PCTP: variants seen among roughly 807,000 people sequenced by gnomAD.
PCTP encodes the protein START domain-containing protein 2.
PCTP carries 27 observed loss-of-function variants against 31.0 expected under a neutral mutation model. That is an observed-to-expected ratio of 0.87 (90% CI 0.64 to 1.20). The LOEUF (loss-of-function observed/expected upper bound fraction) is 1.20, where lower values mean the gene tolerates loss of function less well. Among genes scored for constraint, PCTP ranks in the 50% most tolerant of loss-of-function variants. The probability of loss-of-function intolerance (pLI) is 0.00; values close to 1 mark genes in which losing one functional copy is unlikely to be tolerated. For missense variants in PCTP, 287 were observed against 268.2 expected (o/e 1.07, Z -0.49); for synonymous variants, 108 against 101.2 (o/e 1.07, Z -0.40).
At position 55,777,221 on chromosome 17, in the gene PCTP, CTG is replaced by C; in HGVS notation, c.*1125_*1126del. ...TGATCTCAGGGAAAAATTTTAATCA[CTG>C]TGTATAATGATACTGAACCTTGATT... is the stretch of plus-strand genomic sequence containing the variant. On this transcript the variant is annotated 3_prime_UTR_variant, in exon 6 of 6. Coordinates refer to ENST00000268896, the MANE Select transcript of PCTP (RefSeq NM_021213.4). The C allele has an allele frequency of 1.0e-6, 1 of 985,214 alleles. No homozygotes were observed. Among genetic ancestry groups the C allele is most frequent in the Non-Finnish European group, 1.2e-6 (1 of 829,458 alleles). 61.0% of individuals were successfully genotyped at this position (985,214 alleles called of 1,614,324 possible).
chr17:55,801,365 T>A (rs774557122), intron 3 of PCTP, among the ~76,000 whole-genome samples: 5 of 152,128 alleles, frequency 3.3e-5, no homozygotes, highest in Non-Finnish European at 7.4e-5. Flanking sequence ...CAAGTGGACC[T>A]AATAGACATC....
chr17:55,814,973 A>T (rs1314884568), intron 3 of PCTP, among the ~76,000 whole-genome samples: 1 of 152,184 alleles, frequency 6.6e-6, no homozygotes, highest in African/African-American at 2.4e-5. Context: ...TCAGAAACCA[A>T]GAACAGTGAA....
At chr17:55,775,170 C>A in intron 5 of PCTP, 2 of 1,196,282 alleles carry the variant, frequency 1.7e-6, no homozygotes, top group Non-Finnish European at 2.2e-6. Flanking sequence ...AACAATAGTG[C>A]CTTTGGAGCC....
chr17:55,767,214 C>T, intron 1 of PCTP, 121 bp from the exon 2 acceptor site: 1 of 484,306 alleles, frequency 2.1e-6, no homozygotes, highest in South Asian at 3.4e-5. Flanking sequence ...TTGTAGGTTG[C>T]CTGTTCACTC....
intron 2 of PCTP, chr17:55,770,495 TTTTTGATGTCTGA>T (rs1910923144): frequency 6.6e-6 from 1 of 152,166 alleles, no homozygotes; most frequent in Non-Finnish European, 1.5e-5. Context: ...TCTGACTATT[TTTTTGATGTCTGA>T]TTTTGTTTCA....
chr17:55,793,779 T>C (rs1463952997), intron 3 of PCTP, among the ~76,000 whole-genome samples: 1 of 152,114 alleles, frequency 6.6e-6, no homozygotes, highest in Non-Finnish European at 1.5e-5. Context: ...AACCAATATA[T>C]TGATGCCTCT....
intron 1 of PCTP, among the ~76,000 whole-genome samples, chr17:55,756,387 G>A (rs1910017712): frequency 6.6e-6 from 1 of 152,242 alleles, no homozygotes; most frequent in South Asian, 2.1e-4. Flanking sequence ...GTGATGTGAT[G>A]TGTTTCAGAT....
intron 2 of PCTP, among the ~76,000 whole-genome samples, chr17:55,783,240 A>G (rs908940051): frequency 5.9e-5 from 9 of 152,042 alleles, no homozygotes; most frequent in South Asian, 2.1e-4. Flanking sequence ...ACCGTTGGAG[A>G]GCTCATACTA....
intron 3 of PCTP, among the ~76,000 whole-genome samples, chr17:55,818,210 G>A (rs966244622): frequency 1.3e-5 from 2 of 152,196 alleles, no homozygotes; most frequent in South Asian, 2.1e-4. Flanking sequence ...AACGGAGATC[G>A]CATGATGTGA....
chr17:55,803,754 A>T (rs1166611089), intron 3 of PCTP, among the ~76,000 whole-genome samples: 1 of 152,134 alleles, frequency 6.6e-6, no homozygotes, highest in Non-Finnish European at 1.5e-5. Flanking sequence ...AACCATAAAA[A>T]CCCTGGAAGA....
intron 3 of PCTP, among the ~76,000 whole-genome samples, chr17:55,796,100 G>A (rs1222053524): frequency 1.3e-5 from 2 of 152,046 alleles, no homozygotes; most frequent in Non-Finnish European, 2.9e-5. Context: ...ACGAATTAAG[G>A]CAGCATGAAA....
intron 3 of PCTP, among the ~76,000 whole-genome samples, chr17:55,795,165 T>A (rs1387821300): frequency 1.3e-5 from 2 of 152,082 alleles, no homozygotes; most frequent in African/African-American, 4.8e-5. Flanking sequence ...ATTAAAGGCA[T>A]AAATGTGCAG....
At chr17:55,763,894 C>T (rs1910483063) in intron 1 of PCTP, among the ~76,000 whole-genome samples, 1 of 152,152 alleles carries the variant, frequency 6.6e-6, no homozygotes, top group South Asian at 2.1e-4. Context: ...AGCGCTTGGA[C>T]ATTGTATTGA....
chr17:55,777,744 C>T (rs1597991830), downstream of PCTP, among the ~76,000 whole-genome samples: 1 of 152,328 alleles, frequency 6.6e-6, no homozygotes, highest in East Asian at 1.9e-4. Context: ...ATATGCTTAT[C>T]TATGCCCTGC....
At position 55,767,389 on chromosome 17, in the gene PCTP, A is replaced by G; in HGVS notation, c.196A>G (p.Thr66Ala). Residue 66 changes from threonine (T) to alanine (A), a missense_variant, in exon 2 of 6, where the codon ACT (threonine) becomes GCT (alanine). Coordinates refer to ENST00000268896, the MANE Select transcript of PCTP (RefSeq NM_021213.4). Reference protein sequence around the residue: ...VFGVLEDCSPTLLADIYMDSD... With the variant: ...VFGVLEDCSPALLADIYMDSD... ...TGGTGTTCTGGAGGACTGCTCACCAACTCTACTGGCAGACATCTATATGGA... is the reference window on the plus strand; with the variant it reads ...TGGTGTTCTGGAGGACTGCTCACCAGCTCTACTGGCAGACATCTATATGGA... The G allele has an allele frequency of 6.2e-7, 1 of 1,613,594 alleles. No homozygotes were observed. The highest frequency in any genetic ancestry group is 8.5e-7 in the Non-Finnish European group (1 of 1,179,634).
chr17:55,828,103 T>C (rs1373840421), intron 5 of PCTP, among the ~76,000 whole-genome samples: 1 of 152,158 alleles, frequency 6.6e-6, no homozygotes, highest in East Asian at 1.9e-4. Flanking sequence ...AGAAAATTGG[T>C]ATGCTAAACC....
At chr17:55,764,215 G>A (rs747612079) in intron 1 of PCTP, among the ~76,000 whole-genome samples, 2 of 152,142 alleles carry the variant, frequency 1.3e-5, no homozygotes, top group Admixed American at 6.6e-5. Context: ...TTAAAGGTTG[G>A]GGAGGTCATT....
At chr17:55,771,867 A>G (rs1181585254) in intron 3 of PCTP, among the ~76,000 whole-genome samples, 2 of 152,140 alleles carry the variant, frequency 1.3e-5, no homozygotes, top group African/African-American at 4.8e-5. Flanking sequence ...GATGACTCCT[A>G]GGTAAGATTT....
chr17:55,817,116 A>G (rs749850484), intron 3 of PCTP, among the ~76,000 whole-genome samples: 1 of 152,232 alleles, frequency 6.6e-6, no homozygotes, highest in Non-Finnish European at 1.5e-5. Flanking sequence ...CAGAGTTAAC[A>G]GAAAACCCAG....
Sources: gnomAD v4.1 joint callset for allele counts (sites outside exome capture counted in the v4.1 genomes callset) on GRCh38, gnomAD v4.1.1 for gene constraint, MANE v1.5 for transcripts, NCBI Gene and HGNC (gene_info 2026-07-23, HGNC 2026-07-21) for gene names.